Variants in MAML3 observed in about 807,000 individuals in gnomAD.
MAML3 encodes mastermind like transcriptional coactivator 3.
Under a neutral mutation model 101.9 loss-of-function variants are expected in MAML3, and 27 were observed. The observed-to-expected ratio is 0.27, with a 90% CI of 0.20 to 0.37. The LOEUF is 0.37. Among genes scored for constraint, MAML3 ranks in the 10% least tolerant of loss-of-function variants. The pLI, the probability that MAML3 is intolerant of heterozygous loss-of-function variation, is 1.00. For synonymous variants in MAML3, 501 were observed against 555.9 expected (o/e 0.90, Z 1.39); for missense variants, 1,316 against 1,444.9 (o/e 0.91, Z 1.45).
At chr4:140,096,812 CGAGA>C (rs779187474) in intron 1 of MAML3, among the ~76,000 whole-genome samples, 2 of 151,826 alleles carry the variant, frequency 1.3e-5, no homozygotes, top group African/African-American at 4.8e-5. Context: ...AGCAAGATAC[CGAGA>C]GAGTTACATT....
chr4:139,962,448 T>C (rs994614015), intron 1 of MAML3, among the ~76,000 whole-genome samples: 2 of 152,204 alleles, frequency 1.3e-5, no homozygotes, highest in Non-Finnish European at 2.9e-5. Context: ...GGTTATTTCA[T>C]TGCTGGTAGA....
At chr4:139,738,598 A>C (rs1729040522) in intron 2 of MAML3, among the ~76,000 whole-genome samples, 1 of 152,192 alleles carries the variant, frequency 6.6e-6, no homozygotes, top group African/African-American at 2.4e-5. Context: ...TAAATGCTTA[A>C]TTGATAGGGC....
chr4:140,013,143 T>G (rs757723594), intron 1 of MAML3, among the ~76,000 whole-genome samples: 2 of 152,236 alleles, frequency 1.3e-5, no homozygotes, highest in African/African-American at 2.4e-5. Context: ...ATTTTATTAA[T>G]AGAAAACCAT....
chr4:139,740,999 T>C (rs1299191578), intron 2 of MAML3, among the ~76,000 whole-genome samples: 1 of 152,204 alleles, frequency 6.6e-6, no homozygotes, highest in African/African-American at 2.4e-5. Flanking sequence ...GTTTCCCGAC[T>C]GCTGAACCTG....
chr4:140,011,127 ATATATATATACACATATGTCATATATATT>A (rs1481395110), intron 1 of MAML3, among the ~76,000 whole-genome samples: 1 of 88,352 alleles, frequency 1.1e-5, no homozygotes, highest in African/African-American at 4.0e-5. Flanking sequence ...GTGTGTATAT[ATATATATATACACATATGTCATATATATT>A]TATATATATG....
At chr4:140,099,654 A>G (rs1350777127) in intron 1 of MAML3, among the ~76,000 whole-genome samples, 1 of 152,240 alleles carries the variant, frequency 6.6e-6, no homozygotes, top group African/African-American at 2.4e-5. Flanking sequence ...CAGTTACTGC[A>G]TATGAAAAAT....
At chr4:140,122,828 A>C (rs1202137180) in intron 1 of MAML3, among the ~76,000 whole-genome samples, 1 of 152,128 alleles carries the variant, frequency 6.6e-6, no homozygotes, top group East Asian at 1.9e-4. Flanking sequence ...TGAAAATCTA[A>C]AAGTGCCATC....
At chr4:140,047,921 A>G (rs1231632527) in intron 1 of MAML3, among the ~76,000 whole-genome samples, 1 of 152,094 alleles carries the variant, frequency 6.6e-6, no homozygotes, top group Non-Finnish European at 1.5e-5. Flanking sequence ...ATACTAAGAA[A>G]AAGATAGGCT....
intron 1 of MAML3, among the ~76,000 whole-genome samples, chr4:140,002,975 G>A (rs933138227): frequency 6.6e-5 from 10 of 152,214 alleles, no homozygotes; most frequent in Non-Finnish European, 1.3e-4. Flanking sequence ...TAATGGCAAG[G>A]ACAAGCACCC....
intron 1 of MAML3, among the ~76,000 whole-genome samples, chr4:140,052,592 T>C (rs1249057632): frequency 6.6e-6 from 1 of 150,744 alleles, no homozygotes; most frequent in East Asian, 1.9e-4. Flanking sequence ...TGGAGTGCAG[T>C]GGTGTGATCT....
chr4:139,809,400 ATTG>A (rs1467874593), intron 2 of MAML3, among the ~76,000 whole-genome samples: 1 of 152,060 alleles, frequency 6.6e-6, no homozygotes, highest in Non-Finnish European at 1.5e-5. Context: ...GGATTGGAAT[ATTG>A]TTTATTTTTT....
intron 1 of MAML3, among the ~76,000 whole-genome samples, chr4:139,993,148 T>A (rs1356050829): frequency 6.6e-6 from 1 of 152,126 alleles, no homozygotes; most frequent in Non-Finnish European, 1.5e-5. Context: ...AGTCAGGAGT[T>A]GGAGATCAGC....
intron 1 of MAML3, among the ~76,000 whole-genome samples, chr4:139,934,026 T>TGTGTGTGGGACTGTGTGACACTAA: frequency 6.6e-6 from 1 of 152,136 alleles, no homozygotes. Context: ...TGTATATGAA[T>TGTGTGTGGGACTGTGTGACACTAA]GTGTGTGGGA....
chr4:139,988,050 A>AC (rs1424602158), intron 1 of MAML3, among the ~76,000 whole-genome samples: 80 of 104,130 alleles, frequency 7.7e-4, no homozygotes, highest in Non-Finnish European at 1.7e-3. Flanking sequence ...AAAGGAAGAA[A>AC]GAAGAAACAA....
intron 2 of MAML3, among the ~76,000 whole-genome samples, chr4:139,849,489 A>C (rs953657655): frequency 6.6e-6 from 1 of 152,244 alleles, no homozygotes; most frequent in Non-Finnish European, 1.5e-5. Context: ...GCTGATAAAC[A>C]GGTTAAACTG....
intron 1 of MAML3, among the ~76,000 whole-genome samples, chr4:140,104,097 A>G (rs1328382500): frequency 6.7e-6 from 1 of 149,798 alleles, no homozygotes; most frequent in Non-Finnish European, 1.5e-5. Flanking sequence ...TTAAAAATAA[A>G]TAATAAGAAC....
chr4:140,120,092 C>G (rs1728581044), intron 1 of MAML3, among the ~76,000 whole-genome samples: 1 of 152,050 alleles, frequency 6.6e-6, no homozygotes, highest in South Asian at 2.1e-4. Context: ...AAAAAATTAG[C>G]CGGGCGTGGT....
chr4:139,728,600 C>T (rs1458629966), intron 3 of MAML3, among the ~76,000 whole-genome samples: 1 of 152,206 alleles, frequency 6.6e-6, no homozygotes, highest in African/African-American at 2.4e-5. Flanking sequence ...ATCCTCCCCT[C>T]ATCCCTCATC....
intron 1 of MAML3, among the ~76,000 whole-genome samples, chr4:139,894,511 AAAAGAAAGAAAGAAAG>A (rs58209239): frequency 0.041 from 5,549 of 136,442 alleles, 195 homozygotes; most frequent in African/African-American, 0.099. Flanking sequence ...TCCATCTTAA[AAAAGAAAGAAAGAAAG>A]AAAGAAAGAA....
Sources: allele counts gnomAD v4.1 joint callset (sites outside exome capture counted in the v4.1 genomes callset), GRCh38; gene constraint gnomAD v4.1.1; transcripts MANE v1.5; gene names NCBI Gene and HGNC (gene_info 2026-07-23, HGNC 2026-07-21).